The following ZNF532 variants were observed in gnomAD, a reference collection of about 807,000 sequenced individuals.
ZNF532 encodes zinc finger protein 532.
A neutral mutation model predicts 89.3 loss-of-function variants in ZNF532; 22 were observed. That is an observed-to-expected ratio of 0.25 (90% confidence interval 0.18 to 0.35). The LOEUF (loss-of-function observed/expected upper bound fraction) is 0.35, where lower values mean the gene tolerates loss of function less well. ZNF532 is among the 10% of genes least tolerant of loss of function. ZNF532 has a pLI of 1.00. For missense variants in ZNF532, 1,132 were observed against 1,643.4 expected (o/e 0.69, Z 5.38); for synonymous variants, 606 against 649.6 (o/e 0.93, Z 1.02).
chr18:58,970,335 G>C (rs540976586), intron 7 of ZNF532, among the ~76,000 whole-genome samples: 1 of 152,304 alleles, frequency 6.6e-6, no homozygotes, highest in Admixed American at 6.5e-5. Flanking sequence ...ATTCCTGCCA[G>C]TGGTCCCTTT....
intron 2 of ZNF532, 64 bp from the exon 3 acceptor site, chr18:58,918,207 G>A: frequency 7.1e-7 from 1 of 1,405,678 alleles, no homozygotes. Context: ...AATTGTATAG[G>A]GGTTTTATCT....
intron 2 of ZNF532, among the ~76,000 whole-genome samples, chr18:58,873,407 A>AGCTG: frequency 6.6e-6 from 1 of 151,598 alleles, no homozygotes; most frequent in African/African-American, 2.4e-5. Flanking sequence ...AGCTTTACCG[A>AGCTG]GGTACTTGTT....
intron 7 of ZNF532, among the ~76,000 whole-genome samples, chr18:58,963,260 G>T (rs948889775): frequency 1.3e-5 from 2 of 152,278 alleles, no homozygotes; most frequent in African/African-American, 4.8e-5. Context: ...AAGCCTTTAA[G>T]AAAAGTCCAT....
intron 2 of ZNF532, 104 bp from the exon 3 acceptor site, chr18:58,918,167 C>T: frequency 9.3e-7 from 1 of 1,077,944 alleles, no homozygotes; most frequent in Non-Finnish European, 1.3e-6. Context: ...TACCTCCTTG[C>T]TCTTTCTTAG....
chr18:58,940,636 T>A lies in ZNF532; in HGVS notation c.2705+1015T>A, dbSNP rs1030364623. On this transcript the variant is annotated intron_variant, in intron 5 of 9. Coordinates refer to ENST00000591808, the MANE Select transcript of ZNF532 (RefSeq NM_001375912.1). ...GGGTCCTGCTTAAGTGAGGATGAGATGAGATGATGTATTTAAAATGTGTAG... is the reference window on the plus strand; with the variant it reads ...GGGTCCTGCTTAAGTGAGGATGAGAAGAGATGATGTATTTAAAATGTGTAG... Among the ~76,000 whole-genome samples, 3 of 151,964 alleles carry A rather than the reference T, an allele frequency of 2.0e-5. No homozygotes were observed. In the East Asian group the frequency reaches 5.8e-4, roughly 29 times the overall value.
At chr18:58,888,775 A>ATATATATAAATTATATATATAATT (rs74209908) in intron 2 of ZNF532, among the ~76,000 whole-genome samples, 1 of 55,736 alleles carries the variant, frequency 1.8e-5, no homozygotes, top group Non-Finnish European at 2.8e-5. Flanking sequence ...TATATAATTT[A>ATATATATAAATTATATATATAATT]TATATATATA....
intron 7 of ZNF532, among the ~76,000 whole-genome samples, chr18:58,971,504 G>A (rs188459329): frequency 1.3e-5 from 2 of 152,098 alleles, no homozygotes; most frequent in Non-Finnish European, 2.9e-5. Context: ...AATTATTATC[G>A]TCTATTCTTG....
At chr18:58,880,780 G>A (rs534747085) in intron 2 of ZNF532, among the ~76,000 whole-genome samples, 125 of 151,888 alleles carry the variant, frequency 8.2e-4, no homozygotes, top group Non-Finnish European at 1.4e-3. Flanking sequence ...GCGTCTGTGT[G>A]TGTGTGTGTA....
chr18:58,958,085 AC>A (rs1004896771), intron 7 of ZNF532, among the ~76,000 whole-genome samples: 1 of 149,834 alleles, frequency 6.7e-6, no homozygotes, highest in Non-Finnish European at 1.5e-5. Flanking sequence ...AAAAAAAAAT[AC>A]AAAAACCTAA....
At chr18:58,866,888 C>T (rs1168315361) in intron 2 of ZNF532, among the ~76,000 whole-genome samples, 1 of 152,210 alleles carries the variant, frequency 6.6e-6, no homozygotes, top group Non-Finnish European at 1.5e-5. Context: ...GACGGATATA[C>T]CAGTAAATAG....
At chr18:58,915,508 A>G (rs2060540900) in intron 2 of ZNF532, among the ~76,000 whole-genome samples, 1 of 152,196 alleles carries the variant, frequency 6.6e-6, no homozygotes, top group African/African-American at 2.4e-5. Flanking sequence ...GTTTGCAGGC[A>G]TGGGAGTTCC....
chr18:58,903,156 T>C (rs2059708973), intron 2 of ZNF532, among the ~76,000 whole-genome samples: 1 of 152,150 alleles, frequency 6.6e-6, no homozygotes, highest in South Asian at 2.1e-4. Context: ...TTTTGGAAGA[T>C]GAGGAAATTG....
intron 7 of ZNF532, among the ~76,000 whole-genome samples, chr18:58,970,155 A>G (rs540082095): frequency 5.8e-4 from 88 of 152,306 alleles, no homozygotes; most frequent in South Asian, 1.5e-3. Flanking sequence ...AAGTCCTGGG[A>G]TTACAGGCGT....
intron 2 of ZNF532, among the ~76,000 whole-genome samples, chr18:58,888,809 A>AAAATATATATAATTTATATATAT (rs2058596902): frequency 4.7e-5 from 2 of 42,172 alleles, no homozygotes; most frequent in Admixed American, 4.2e-4. Context: ...TTATATATAT[A>AAAATATATATAATTTATATATAT]AAAAATTATA....
chr18:58,863,525 C>CGCCGCG (rs1568188197), upstream of ZNF532: 2 of 144,624 alleles, frequency 1.4e-5, no homozygotes, highest in South Asian at 2.1e-4. Flanking sequence ...CCGCCGCCGC[C>CGCCGCG]CGGCCCGGCG....
At chr18:58,926,280 A>G (rs1416536866) in intron 3 of ZNF532, 1 of 152,184 alleles carries the variant, frequency 6.6e-6, no homozygotes, top group African/African-American at 2.4e-5. Flanking sequence ...TTCTTAGCCA[A>G]AAGGCCGATA....
chr18:58,882,015 TG>T (rs2057963410), intron 2 of ZNF532, among the ~76,000 whole-genome samples: 1 of 152,106 alleles, frequency 6.6e-6, no homozygotes, highest in South Asian at 2.1e-4. Context: ...TGGGGTACAG[TG>T]GTGCAATCTC....
chr18:58,906,896 C>T (rs1391630627), intron 2 of ZNF532, among the ~76,000 whole-genome samples: 1 of 152,102 alleles, frequency 6.6e-6, no homozygotes, highest in African/African-American at 2.4e-5. Flanking sequence ...TTACAGCATC[C>T]AGGAACTTTA....
rs1346585681 is a variant in ZNF532 at position 58,984,624 on chromosome 18, C to T, written c.*158C>T. On this transcript the variant is annotated 3_prime_UTR_variant, in exon 10 of 10. Transcript: ENST00000591808. ...TCCTTCACCTCGTCGTATATATCCT[C>T]GATAAGTATTAAAACAGTATTTGAG... 1.1e-5 allele frequency: 9 copies of T among 803,544 alleles called. No homozygotes were observed. In the East Asian group the frequency reaches 1.7e-4, roughly 15 times the overall value. 49.8% of individuals were successfully genotyped at this position (803,544 alleles called of 1,614,324 possible).
Sources: gnomAD v4.1 joint callset for allele counts (sites outside exome capture counted in the v4.1 genomes callset) on GRCh38, gnomAD v4.1.1 for gene constraint, MANE v1.5 for transcripts, NCBI Gene and HGNC (gene_info 2026-07-23, HGNC 2026-07-21) for gene names.